The following WWTR1 variants were observed in gnomAD, a reference collection of about 807,000 sequenced individuals.
WWTR1 encodes WW domain-containing transcription regulator protein 1.
In WWTR1, 13 loss-of-function variants were observed where a neutral mutation model predicts 40.1. That is an observed-to-expected ratio of 0.32 (90% CI 0.21 to 0.52). The LOEUF is 0.52. Ranked by LOEUF, WWTR1 falls within the 20% of genes least tolerant of loss-of-function variation. The pLI is 0.97. For synonymous variants in WWTR1, 230 were observed against 210.1 expected, an observed-to-expected ratio of 1.09 and a Z score of -0.82; for missense variants, 436 against 523.1, an observed-to-expected ratio of 0.83 and a Z score of 1.63.
intron 5 of WWTR1, among the ~76,000 whole-genome samples, chr3:149,715,323 C>A (rs74636106): frequency 1.3e-5 from 2 of 152,200 alleles, no homozygotes; most frequent in African/African-American, 4.8e-5. Flanking sequence ...CAGGCATCTC[C>A]AAGCTTCTGG....
exon 1 of WWTR1, chr3:149,703,214 G>T (rs990652083): frequency 1.3e-5 from 2 of 152,354 alleles, no homozygotes; most frequent in African/African-American, 2.4e-5. Flanking sequence ...GATGTGAGCT[G>T]AAATGAGTCA....
chr3:149,714,055 C>T (rs1401313239), intron 5 of WWTR1, among the ~76,000 whole-genome samples: 1 of 152,224 alleles, frequency 6.6e-6, no homozygotes, highest in African/African-American at 2.4e-5. Flanking sequence ...GGGGCCAGGC[C>T]GAGTTGCCTG....
At chr3:149,643,502 T>G (rs530417505) in intron 2 of WWTR1, among the ~76,000 whole-genome samples, 10 of 152,278 alleles carry the variant, frequency 6.6e-5, no homozygotes, top group African/African-American at 2.2e-4. Context: ...GCTCAGTTAG[T>G]TATAAAACAC....
intron 2 of WWTR1, among the ~76,000 whole-genome samples, chr3:149,608,947 T>G (rs964349892): frequency 2.0e-5 from 3 of 152,096 alleles, no homozygotes; most frequent in African/African-American, 7.2e-5. Context: ...CATGTGCCTG[T>G]AGTCCCAGCC....
At chr3:149,679,080 C>T (rs573496510) in intron 1 of WWTR1, among the ~76,000 whole-genome samples, 131 of 152,310 alleles carry the variant, frequency 8.6e-4, no homozygotes, top group African/African-American at 3.0e-3. Flanking sequence ...ATCTGCCCGC[C>T]TTGGCCTCCC....
intron 2 of WWTR1, among the ~76,000 whole-genome samples, chr3:149,666,701 C>A (rs1330679640): frequency 1.3e-5 from 2 of 152,104 alleles, no homozygotes; most frequent in Non-Finnish European, 2.9e-5. Flanking sequence ...GATAAGAAAA[C>A]CAAGGTTTAG....
At chr3:149,574,424 CA>C (rs1284825697) in intron 2 of WWTR1, among the ~76,000 whole-genome samples, 1 of 152,186 alleles carries the variant, frequency 6.6e-6, no homozygotes, top group Admixed American at 6.5e-5. Flanking sequence ...TTGGGCCTCA[CA>C]ACCAGGTGGG....
chr3:149,693,863 T>C (rs1168309650), intron 1 of WWTR1, among the ~76,000 whole-genome samples: 1 of 152,112 alleles, frequency 6.6e-6, no homozygotes, highest in Non-Finnish European at 1.5e-5. Flanking sequence ...TCTTGATATA[T>C]AAAAATCAAA....
At chr3:149,528,626 CA>C (rs1312987374) in intron 4 of WWTR1, among the ~76,000 whole-genome samples, 2 of 152,088 alleles carry the variant, frequency 1.3e-5, no homozygotes, top group South Asian at 2.1e-4. Flanking sequence ...CCTGTCTCTA[CA>C]AAAAATACAA....
chr3:149,714,941 G>A (rs1289330020), intron 5 of WWTR1, among the ~76,000 whole-genome samples: 1 of 152,148 alleles, frequency 6.6e-6, no homozygotes, highest in Non-Finnish European at 1.5e-5. Context: ...GCTGCAGAGA[G>A]GAGCCGAGGA....
intron 2 of WWTR1, among the ~76,000 whole-genome samples, chr3:149,586,578 C>T (rs1738437952): frequency 6.6e-6 from 1 of 152,140 alleles, no homozygotes; most frequent in African/African-American, 2.4e-5. Context: ...TGGTCTTTGA[C>T]TTCGGCTCCT....
chr3:149,635,763 G>A (rs749063873), intron 2 of WWTR1, among the ~76,000 whole-genome samples: 12 of 152,148 alleles, frequency 7.9e-5, no homozygotes, highest in Non-Finnish European at 1.5e-4. Flanking sequence ...GGGATAGAGG[G>A]TCAAGAAAGT....
chr3:149,710,578 C>CG (rs1161643413), intron 5 of WWTR1, among the ~76,000 whole-genome samples: 5 of 84,814 alleles, frequency 5.9e-5, no homozygotes, highest in South Asian at 7.0e-4. Flanking sequence ...CCTCCCCCCC[C>CG]CCCCTTTTTT....
chr3:149,582,708 C>T (rs1044064605), intron 2 of WWTR1, among the ~76,000 whole-genome samples: 4 of 151,808 alleles, frequency 2.6e-5, no homozygotes, highest in East Asian at 3.9e-4. Context: ...CCAGTGTGGG[C>T]GGCAGAGCAA....
intron 2 of WWTR1, among the ~76,000 whole-genome samples, chr3:149,587,908 T>C (rs1738507573): frequency 6.6e-6 from 1 of 152,162 alleles, no homozygotes; most frequent in Non-Finnish European, 1.5e-5. Flanking sequence ...TTCTCGCATA[T>C]TACTAGACTT....
chr3:149,545,754 C>T (rs1440893604), intron 3 of WWTR1, among the ~76,000 whole-genome samples: 1 of 152,206 alleles, frequency 6.6e-6, no homozygotes, highest in African/African-American at 2.4e-5. Flanking sequence ...CTCCTGGCCT[C>T]GAGTGATCCA....
chr3:149,677,714 C>T (rs987165674), intron 1 of WWTR1, among the ~76,000 whole-genome samples: 1 of 152,130 alleles, frequency 6.6e-6, no homozygotes, highest in African/African-American at 2.4e-5. Context: ...GTGACGCGTG[C>T]CTATAATCCC....
chr3:149,534,588 G>A (rs1735738651), intron 4 of WWTR1, among the ~76,000 whole-genome samples: 1 of 152,184 alleles, frequency 6.6e-6, no homozygotes, highest in East Asian at 1.9e-4. Context: ...TGGAGCTCAT[G>A]TCCTAGGAAT....
intron 3 of WWTR1, among the ~76,000 whole-genome samples, chr3:149,562,124 G>A (rs1231279284): frequency 6.6e-6 from 1 of 151,982 alleles, no homozygotes; most frequent in Non-Finnish European, 1.5e-5. Context: ...GTGAAACCCT[G>A]TCTCTACTAA....
Sources: gnomAD v4.1 joint callset for allele counts (sites outside exome capture counted in the v4.1 genomes callset) on GRCh38, gnomAD v4.1.1 for gene constraint, MANE v1.5 for transcripts, NCBI Gene and HGNC (gene_info 2026-07-23, HGNC 2026-07-21) for gene names.